TMC7: variants seen among roughly 807,000 people sequenced by gnomAD.
TMC7 encodes transmembrane channel-like protein 7.
In TMC7, 54 loss-of-function variants were observed where a neutral mutation model predicts 82.9. That is an observed-to-expected ratio of 0.65 (90% CI 0.52 to 0.82). The LOEUF (loss-of-function observed/expected upper bound fraction) is 0.82, where lower values mean the gene tolerates loss of function less well. Ranked by LOEUF, TMC7 falls within the 40% of genes least tolerant of loss-of-function variation. The pLI is 0.00. For missense variants in TMC7, 820 were observed against 901.2 expected, an observed-to-expected ratio of 0.91 and a Z score of 1.15; for synonymous variants, 350 against 337.9, an observed-to-expected ratio of 1.04 and a Z score of -0.39.
intron 2 of TMC7, among the ~76,000 whole-genome samples, chr16:19,012,812 AAAAAAAG>A (rs1959442753): frequency 6.6e-6 from 1 of 150,440 alleles, no homozygotes. Flanking sequence ...AAAAAAAAAA[AAAAAAAG>A]AAAGTGGCAA....
chr16:19,022,195 T>C (rs1375342114), intron 4 of TMC7, among the ~76,000 whole-genome samples: 1 of 152,136 alleles, frequency 6.6e-6, no homozygotes, highest in Non-Finnish European at 1.5e-5. Context: ...TCCCCAGATG[T>C]GTGGGGAGAA....
chr16:19,061,602 A>G (rs1962013933), intron 15 of TMC7, among the ~76,000 whole-genome samples, 176 bp from the exon 16 acceptor site: 1 of 152,180 alleles, frequency 6.6e-6, no homozygotes. Context: ...GCATTTTTTA[A>G]AAAAAGGATC....
intron 10 of TMC7, 169 bp from the exon 11 acceptor site, chr16:19,045,172 G>A (rs1961211774): frequency 1.2e-6 from 1 of 826,446 alleles, no homozygotes; most frequent in Non-Finnish European, 2.0e-6. Flanking sequence ...GCACTTCTGA[G>A]GGCTTGGAAA....
At chr16:19,035,191 G>A (rs1036788168) in intron 6 of TMC7, among the ~76,000 whole-genome samples, 22 of 152,120 alleles carry the variant, frequency 1.4e-4, no homozygotes, top group African/African-American at 4.6e-4. Context: ...ACCAAACACC[G>A]CATGTTCTCA....
Position 19,016,585 on chromosome 16 carries a change from C to T in TMC7, c.447C>T (p.Ile149=). The T allele has an allele frequency of 6.2e-7, 1 of 1,613,572 alleles. No individual in the cohort carries two copies. Among genetic ancestry groups the T allele is most frequent in the Non-Finnish European group, 8.5e-7 (1 of 1,179,964 alleles). ...ACCTGGAGCTGTGGCGGGAGGACAT[C>T]CGCAGCATAGAAGGTATGCTGTCCT... The part of the protein sequence containing the change: ...TTHLELWRED[I]RSIEGKFGTG... The change falls in exon 3 of 16, where the codon ATC becomes ATT. Residue 149 remains isoleucine (I), a synonymous_variant. Transcript: ENST00000304381.
intron 12 of TMC7, among the ~76,000 whole-genome samples, chr16:19,050,767 C>T (rs1961502324): frequency 6.6e-6 from 1 of 152,206 alleles, no homozygotes; most frequent in Admixed American, 6.5e-5. Flanking sequence ...TCCCGAAGTG[C>T]TGGGATTACA....
At chr16:18,990,180 G>A (rs555046151) in intron 1 of TMC7, among the ~76,000 whole-genome samples, 7 of 152,302 alleles carry the variant, frequency 4.6e-5, no homozygotes, top group Admixed American at 2.6e-4. Context: ...AGATTACAAA[G>A]TACATTGATC....
rs1347184271 is a variant in TMC7 at position 19,021,680 on chromosome 16, T to C, written c.512T>C (p.Val171Ala). The C allele has an allele frequency of 1.9e-6, 3 of 1,614,044 alleles. No homozygotes were observed. The African/African-American group carries it at 4.0e-5, about 22-fold the overall frequency. ...TATTTCTCCTTCTTGAGATTCCTGGTGTTGCTGAATTTGGTGATATTTCTG... is the reference window on the plus strand; with the variant it reads ...TATTTCTCCTTCTTGAGATTCCTGGCGTTGCTGAATTTGGTGATATTTCTG... ...QSYFSFLRFL[V>A]LLNLVIFLII... Residue 171 changes from valine to alanine, a missense_variant, in exon 4 of 16, where the codon GTG becomes GCG. By Grantham distance (64) the Val-to-Ala change is moderately conservative. Around this residue, in one of 2 missense-constraint regions of TMC7, gnomAD observed 650 missense variants for 669.9 expected, o/e 0.97. Coordinates refer to ENST00000304381, the MANE Select transcript of TMC7 (RefSeq NM_024847.4).
At chr16:19,054,979 C>T (rs934010691) in intron 13 of TMC7, among the ~76,000 whole-genome samples, 6 of 152,040 alleles carry the variant, frequency 3.9e-5, no homozygotes, top group South Asian at 2.1e-4. Flanking sequence ...AACTCCCGAC[C>T]TCAAGTGATC....
intron 6 of TMC7, among the ~76,000 whole-genome samples, chr16:19,035,013 CG>C (rs1960680964): frequency 6.6e-6 from 1 of 152,004 alleles, no homozygotes; most frequent in Non-Finnish European, 1.5e-5. Flanking sequence ...AGCAAAGAAA[CG>C]GAATCAACCT....
At chr16:19,027,367 C>T (rs1404471497) in intron 5 of TMC7, among the ~76,000 whole-genome samples, 1 of 151,976 alleles carries the variant, frequency 6.6e-6, no homozygotes, top group African/African-American at 2.4e-5. Context: ...GTGCCCGGCC[C>T]AGAACCACTA....
At chr16:19,023,793 C>T (rs8044489) in intron 5 of TMC7, among the ~76,000 whole-genome samples, 2,682 of 152,202 alleles carry the variant, frequency 0.018, 79 homozygotes, top group African/African-American at 0.061. Flanking sequence ...TACCGAGGTC[C>T]CCCACAGAAA....
intron 1 of TMC7, among the ~76,000 whole-genome samples, chr16:18,989,466 C>T (rs921188952): frequency 4.6e-5 from 7 of 150,692 alleles, no homozygotes; most frequent in African/African-American, 1.7e-4. Flanking sequence ...AATAACTTTT[C>T]GGCCTCTGAC....
intron 1 of TMC7, among the ~76,000 whole-genome samples, chr16:19,004,378 T>G (rs2039198058): frequency 6.6e-6 from 1 of 152,130 alleles, no homozygotes; most frequent in Non-Finnish European, 1.5e-5. Flanking sequence ...TTGTATATAT[T>G]TTTTGGGATG....
intron 1 of TMC7, among the ~76,000 whole-genome samples, chr16:19,002,932 A>T (rs1244689563): frequency 6.6e-6 from 1 of 152,232 alleles, no homozygotes; most frequent in African/African-American, 2.4e-5. Flanking sequence ...TGAGAAGGAC[A>T]TCAAGGCTCT....
intron 10 of TMC7, 34 bp downstream of exon 10, chr16:19,045,035 G>C: frequency 6.6e-7 from 1 of 1,507,098 alleles, no homozygotes; most frequent in Non-Finnish European, 9.2e-7. Context: ...CGGCTGGGTG[G>C]GTCCTTCTGG....
chr16:19,040,970 A>G (rs1374520195), intron 9 of TMC7, among the ~76,000 whole-genome samples: 1 of 149,550 alleles, frequency 6.7e-6, no homozygotes, highest in African/African-American at 2.5e-5. Flanking sequence ...AATTCACTGC[A>G]GTCTCAAATC....
intron 1 of TMC7, among the ~76,000 whole-genome samples, chr16:18,988,887 T>A (rs1166406934): frequency 6.6e-6 from 1 of 152,030 alleles, no homozygotes; most frequent in African/African-American, 2.4e-5. Flanking sequence ...CCGTCTCTAC[T>A]AACAATACAA....
intron 1 of TMC7, among the ~76,000 whole-genome samples, chr16:18,990,313 G>T (rs546722167): frequency 4.6e-5 from 7 of 152,164 alleles, no homozygotes; most frequent in Non-Finnish European, 4.4e-5. Flanking sequence ...AGTCACAGGG[G>T]ATGCAATGGC....
Sources: allele counts gnomAD v4.1 joint callset (sites outside exome capture counted in the v4.1 genomes callset), GRCh38; gene constraint gnomAD v4.1.1; regional missense constraint gnomAD v4.1.1; transcripts MANE v1.5; gene names NCBI Gene and HGNC (gene_info 2026-07-23, HGNC 2026-07-21).